BMAL1: variants seen among roughly 807,000 people sequenced by gnomAD.
BMAL1 encodes basic helix-loop-helix ARNT like 1.
the BMAL1 span, chr11:13,381,221 T>TCC: frequency 6.2e-7 from 1 of 1,614,054 alleles, no homozygotes; most frequent in Non-Finnish European, 8.5e-7. Context: ...CGAGTACGCC[T>TCC]CCCCCTGATG....
chr11:13,356,192 A>T, the BMAL1 span: 8 of 447,002 alleles, frequency 1.8e-5, no homozygotes, highest in African/African-American at 1.6e-4. Flanking sequence ...CCTACCTGAG[A>T]AGCAGAATAT....
chr11:13,298,775 G>A, the BMAL1 span, among the ~76,000 whole-genome samples: 2 of 152,240 alleles, frequency 1.3e-5, no homozygotes, highest in African/African-American at 4.8e-5. Context: ...TGGCTCAAAT[G>A]TGGCTTTCTC....
the BMAL1 span, among the ~76,000 whole-genome samples, chr11:13,280,010 T>A: frequency 6.6e-6 from 1 of 152,204 alleles, no homozygotes; most frequent in South Asian, 2.1e-4. Context: ...GATTTCTAGG[T>A]TGTGTTTGCC....
the BMAL1 span, chr11:13,366,792 A>C: frequency 6.2e-7 from 1 of 1,609,526 alleles, no homozygotes; most frequent in Admixed American, 1.7e-5. Context: ...AGTGAGTACC[A>C]GAGAGGCCTC....
chr11:13,361,589 C>T, the BMAL1 span, among the ~76,000 whole-genome samples: 1 of 152,156 alleles, frequency 6.6e-6, no homozygotes, highest in East Asian at 1.9e-4. Context: ...CTGCTCACTC[C>T]AGCATTCTCT....
At chr11:13,296,330 GA>G in the BMAL1 span, among the ~76,000 whole-genome samples, 1 of 152,084 alleles carries the variant, frequency 6.6e-6, no homozygotes, top group Non-Finnish European at 1.5e-5. Context: ...TGCAGTATGG[GA>G]ATCTGTAAGT....
the BMAL1 span, among the ~76,000 whole-genome samples, chr11:13,335,490 C>T: frequency 1.6e-4 from 25 of 152,166 alleles, no homozygotes; most frequent in Admixed American, 4.6e-4. Context: ...GTGACCCAGA[C>T]GAGGCTTTTA....
chr11:13,365,142 AGTT>A, the BMAL1 span, among the ~76,000 whole-genome samples: 146 of 152,236 alleles, frequency 9.6e-4, no homozygotes, highest in African/African-American at 3.4e-3. Context: ...CTCTCCATAG[AGTT>A]GTTATTATTA....
At chr11:13,291,704 C>G in the BMAL1 span, among the ~76,000 whole-genome samples, 1 of 152,160 alleles carries the variant, frequency 6.6e-6, no homozygotes, top group Non-Finnish European at 1.5e-5. Context: ...TAGAAGTCGG[C>G]AGGAATTATT....
chr11:13,310,782 T>C, the BMAL1 span, among the ~76,000 whole-genome samples: 9 of 152,354 alleles, frequency 5.9e-5, no homozygotes, highest in Admixed American at 2.6e-4. Flanking sequence ...ACATAGACTT[T>C]ATCCTGAAGG....
At chr11:13,365,282 AACACAC>A in the BMAL1 span, 1,477 of 182,776 alleles carry the variant, frequency 8.1e-3, 19 homozygotes, top group African/African-American at 0.03. Context: ...GATATGCAGA[AACACAC>A]ACACACACAC....
the BMAL1 span, among the ~76,000 whole-genome samples, chr11:13,335,446 C>T: frequency 8.5e-5 from 13 of 152,180 alleles, no homozygotes; most frequent in East Asian, 7.7e-4. Context: ...TATAGGACAT[C>T]GTGGGAATGT....
chr11:13,354,387 T>C, the BMAL1 span: 3 of 1,614,188 alleles, frequency 1.9e-6, no homozygotes, highest in South Asian at 3.3e-5. Context: ...GCTTTCCAGC[T>C]CTCTTGGTAC....
the BMAL1 span, among the ~76,000 whole-genome samples, chr11:13,327,312 A>G: frequency 1.4e-4 from 21 of 152,300 alleles, no homozygotes; most frequent in African/African-American, 5.1e-4. Flanking sequence ...CGTGCCTACT[A>G]TGCGCCGGAC....
chr11:13,356,875 A>G, the BMAL1 span: 4 of 1,602,454 alleles, frequency 2.5e-6, no homozygotes, highest in East Asian at 2.3e-5. Flanking sequence ...CATGTCCTCA[A>G]CTGGAGATGA....
the BMAL1 span, among the ~76,000 whole-genome samples, chr11:13,326,901 G>C: frequency 6.6e-6 from 1 of 151,932 alleles, no homozygotes; most frequent in East Asian, 2.0e-4. Flanking sequence ...CTCACTGCAA[G>C]CTCTGCTTCC....
chr11:13,306,199 G>A, the BMAL1 span, among the ~76,000 whole-genome samples: 7 of 152,146 alleles, frequency 4.6e-5, no homozygotes, highest in East Asian at 1.9e-4. Context: ...CAAGGGCTCC[G>A]TTCTGTAGGT....
the BMAL1 span, among the ~76,000 whole-genome samples, chr11:13,345,896 A>G: frequency 6.6e-6 from 1 of 152,180 alleles, no homozygotes; most frequent in Non-Finnish European, 1.5e-5. Flanking sequence ...CTGTCAGCAT[A>G]TGATGAGTTG....
chr11:13,378,412 G>T, the BMAL1 span: 1 of 1,612,986 alleles, frequency 6.2e-7, no homozygotes, highest in Non-Finnish European at 8.5e-7. Flanking sequence ...AAAATAGGCC[G>T]AATGATTGCT....
Sources: allele counts gnomAD v4.1 joint callset (sites outside exome capture counted in the v4.1 genomes callset), GRCh38; gene constraint gnomAD v4.1.1; transcripts MANE v1.5; gene names NCBI Gene and HGNC (gene_info 2026-07-23, HGNC 2026-07-21).